BANP: variants seen among roughly 807,000 people sequenced by gnomAD.
The protein encoded by BANP is BTG3 associated nuclear protein, also known as protein BANP.
A neutral mutation model predicts 68.1 loss-of-function variants in BANP; 11 were observed. The ratio of observed to expected loss-of-function variants is 0.16; its 90% CI spans 0.10 to 0.27. BANP has a LOEUF of 0.27. Ranked by LOEUF, BANP falls within the 10% of genes least tolerant of loss-of-function variation. The pLI, the probability that BANP is intolerant of heterozygous loss-of-function variation, is 1.00. For missense variants in BANP, 504 were observed against 722.7 expected (o/e 0.70, Z 3.47); for synonymous variants, 329 against 303.2 (o/e 1.09, Z -0.88).
chr16:87,967,036 G>T (rs993326557), intron 1 of BANP, among the ~76,000 whole-genome samples: 1 of 152,214 alleles, frequency 6.6e-6, no homozygotes, highest in Admixed American at 6.5e-5. Flanking sequence ...AAGGCCAGAG[G>T]CCAGGGCCCC....
At position 88,006,274 on chromosome 16, in the gene BANP, A is replaced by C; in HGVS notation, c.655+9A>C. Reference sequence around the variant, plus strand: ...CACCCTGAACTCGGAAGGTGCGTCCAGGGCGGCTTTCCTCGGCCAGAGCGC... The same window carrying C: ...CACCCTGAACTCGGAAGGTGCGTCCCGGGCGGCTTTCCTCGGCCAGAGCGC... On this transcript the variant is annotated intron_variant, in intron 6 of 13. Transcript: ENST00000682872. The C allele has an allele frequency of 3.2e-6, 5 of 1,580,574 alleles. No individual in the cohort carries two copies. Among genetic ancestry groups the C allele is most frequent in the Non-Finnish European group, 4.3e-6 (5 of 1,161,898 alleles).
Position 87,981,032 on chromosome 16 carries a change from T to G in BANP, c.71-4T>G. 1 of 1,607,080 alleles carries G rather than the reference T, an allele frequency of 6.2e-7. No individual in the cohort carries two copies. The highest frequency in any genetic ancestry group is 1.1e-5 in the South Asian group (1 of 90,882). On this transcript the variant is annotated splice_polypyrimidine_tract_variant and splice_region_variant and intron_variant, in intron 2 of 13. Coordinates refer to ENST00000682872, the MANE Select transcript of BANP (RefSeq NM_001386991.1). ...ACATTTTTTTTCTCTGTCACTGATT[T>G]CAGTTGTTTTGGAGAATCATGTAGT... is the stretch of plus-strand genomic sequence containing the variant.
intron 10 of BANP, among the ~76,000 whole-genome samples, chr16:88,035,914 T>C (rs1026293011): frequency 6.6e-6 from 1 of 152,204 alleles, no homozygotes; most frequent in African/African-American, 2.4e-5. Flanking sequence ...GCTGGGTCTG[T>C]GATTGTCTCA....
At chr16:88,031,071 G>T (rs1184054344) in intron 8 of BANP, among the ~76,000 whole-genome samples, 2 of 152,338 alleles carry the variant, frequency 1.3e-5, no homozygotes, top group African/African-American at 2.4e-5. Context: ...TCTTCCTGGG[G>T]TGCACAAGGC....
intron 4 of BANP, among the ~76,000 whole-genome samples, chr16:87,989,338 A>G (rs568018167): frequency 7.2e-4 from 110 of 152,276 alleles, no homozygotes; most frequent in Admixed American, 2.5e-3. Flanking sequence ...AACTTTAAAG[A>G]TGTTTGGGCC....
At chr16:87,963,711 T>G (rs1038511560) in intron 1 of BANP, among the ~76,000 whole-genome samples, 4 of 152,216 alleles carry the variant, frequency 2.6e-5, no homozygotes, top group African/African-American at 9.7e-5. Flanking sequence ...GTGATGTGGC[T>G]TAGGTAGCGA....
intron 6 of BANP, among the ~76,000 whole-genome samples, chr16:88,014,561 T>C (rs1161051113): frequency 6.6e-6 from 1 of 152,072 alleles, no homozygotes; most frequent in Non-Finnish European, 1.5e-5. Context: ...TTAAAAATAT[T>C]ATCTCACCAC....
At chr16:88,061,246 C>T (rs557990238) in intron 11 of BANP, among the ~76,000 whole-genome samples, 1 of 152,260 alleles carries the variant, frequency 6.6e-6, no homozygotes, top group South Asian at 2.1e-4. Flanking sequence ...GGCATCTTGC[C>T]ATCGCTCTGG....
At chr16:87,963,075 G>A (rs941921429) in intron 1 of BANP, among the ~76,000 whole-genome samples, 1 of 152,164 alleles carries the variant, frequency 6.6e-6, no homozygotes, top group Non-Finnish European at 1.5e-5. Flanking sequence ...ATCTTTAAGT[G>A]GGAGTTCCTG....
chr16:88,014,975 G>C (rs999058547), intron 6 of BANP, among the ~76,000 whole-genome samples: 1 of 152,050 alleles, frequency 6.6e-6, no homozygotes, highest in African/African-American at 2.4e-5. Flanking sequence ...TTACTGAGCA[G>C]CTCTGTAATC....
At chr16:88,022,199 A>G (rs1380205843) in intron 7 of BANP, among the ~76,000 whole-genome samples, 1 of 152,206 alleles carries the variant, frequency 6.6e-6, no homozygotes, top group Non-Finnish European at 1.5e-5. Context: ...CTCTATGAAG[A>G]GAAATTGGTT....
intron 4 of BANP, among the ~76,000 whole-genome samples, chr16:87,997,153 C>T (rs1252644682): frequency 6.6e-6 from 1 of 152,192 alleles, no homozygotes; most frequent in Non-Finnish European, 1.5e-5. Flanking sequence ...GAAATGGGGT[C>T]TCACTGTGTT....
intron 2 of BANP, among the ~76,000 whole-genome samples, chr16:87,975,591 C>A (rs7192225): frequency 7.3e-6 from 1 of 136,774 alleles, no homozygotes; most frequent in African/African-American, 2.8e-5. Context: ...CGTCATGGAA[C>A]CTTACCATGT....
At chr16:87,990,048 C>G (rs2065533336) in intron 4 of BANP, among the ~76,000 whole-genome samples, 1 of 152,276 alleles carries the variant, frequency 6.6e-6, no homozygotes, top group Non-Finnish European at 1.5e-5. Context: ...TACTGGGCAG[C>G]TCAGACAGCA....
intron 11 of BANP, among the ~76,000 whole-genome samples, chr16:88,063,768 T>C (rs1233601304): frequency 6.6e-6 from 1 of 152,156 alleles, no homozygotes; most frequent in Non-Finnish European, 1.5e-5. Context: ...TGACAAGACT[T>C]CTCACATGAT....
chr16:87,981,669 A>G lies in BANP; in HGVS notation c.162+542A>G, dbSNP rs537047322. ...GCCATTTTTTCTCTTGAAGAGCACAAAGAGTAAGAATTGTTTACCTTGAGA... is the reference window on the plus strand; with the variant it reads ...GCCATTTTTTCTCTTGAAGAGCACAGAGAGTAAGAATTGTTTACCTTGAGA... On this transcript the variant is annotated intron_variant, in intron 3 of 13. Transcript: ENST00000682872. Among the ~76,000 whole-genome samples, 136 of 152,342 alleles carry G rather than the reference A, an allele frequency of 8.9e-4. 1 individual carries two copies. The highest frequency in any genetic ancestry group is 3.4e-3 in the Middle Eastern group (1 of 294).
intron 4 of BANP, among the ~76,000 whole-genome samples, chr16:87,999,243 C>T (rs1259215579): frequency 5.0e-5 from 7 of 139,212 alleles, no homozygotes; most frequent in Non-Finnish European, 6.3e-5. Flanking sequence ...CGCACGTGCG[C>T]GGCTGTACTT....
intron 11 of BANP, among the ~76,000 whole-genome samples, chr16:88,054,216 C>T (rs1598922773): frequency 8.2e-6 from 1 of 121,376 alleles, no homozygotes; most frequent in East Asian, 2.1e-4. Context: ...CTACCACCCC[C>T]ACCTCCTTCA....
intron 7 of BANP, among the ~76,000 whole-genome samples, chr16:88,021,890 G>C (rs1217747822): frequency 1.3e-5 from 2 of 152,114 alleles, no homozygotes; most frequent in Non-Finnish European, 2.9e-5. Flanking sequence ...TCAGCAGAAA[G>C]ATTTTCTTTC....
Sources: gnomAD v4.1 joint callset for allele counts (sites outside exome capture counted in the v4.1 genomes callset) on GRCh38, gnomAD v4.1.1 for gene constraint, MANE v1.5 for transcripts, NCBI Gene and HGNC (gene_info 2026-07-23, HGNC 2026-07-21) for gene names.